The following ZFP1 variants were observed in gnomAD, a reference collection of about 807,000 sequenced individuals.
ZFP1 encodes the protein zinc finger protein 1 homolog.
In ZFP1, 32 loss-of-function variants were observed where a neutral mutation model predicts 38.5. That is an observed-to-expected ratio of 0.83 (90% CI 0.63 to 1.12). ZFP1 has a LOEUF of 1.12. ZFP1 is among the 50% of genes most tolerant of loss of function. The probability of loss-of-function intolerance (pLI) is 0.00; values close to 1 mark genes in which losing one functional copy is unlikely to be tolerated. For missense variants in ZFP1, 616 were observed against 480.8 expected, an observed-to-expected ratio of 1.28 and a Z score of -2.63; for synonymous variants, 245 against 168.8, an observed-to-expected ratio of 1.45 and a Z score of -3.50.
chr16:75,167,026 A>G, intron 3 of ZFP1, 130 bp downstream of exon 3: 1 of 1,470,320 alleles, frequency 6.8e-7, no homozygotes, highest in East Asian at 2.3e-5. Flanking sequence ...AACCTGAGAG[A>G]TCTTGCAGCC....
chr16:75,128,147 C>T, the ZFP1 span, among the ~76,000 whole-genome samples: 1 of 152,152 alleles, frequency 6.6e-6, no homozygotes. Context: ...GGCCTCATAC[C>T]TTTGTCTACA....
At chr16:75,156,379 C>T (rs1274200344) in intron 2 of ZFP1, among the ~76,000 whole-genome samples, 1 of 152,162 alleles carries the variant, frequency 6.6e-6, no homozygotes, top group South Asian at 2.1e-4. Flanking sequence ...ATCGCTTGAA[C>T]CCAGGAGGTG....
chr16:75,167,868 G>C (rs149222152), intron 3 of ZFP1, among the ~76,000 whole-genome samples: 1 of 152,106 alleles, frequency 6.6e-6, no homozygotes, highest in Non-Finnish European at 1.5e-5. Flanking sequence ...AGGCTGAGGC[G>C]GGCAGATCAC....
chr16:75,168,491 G>A (rs1241763783), intron 3 of ZFP1, among the ~76,000 whole-genome samples: 1 of 151,434 alleles, frequency 6.6e-6, no homozygotes, highest in South Asian at 2.1e-4. Context: ...AATAGGAATG[G>A]AAGAAAAGTA....
chr16:75,169,873 C>A lies in ZFP1; in HGVS notation c.763C>A (p.Leu255Ile). 6.2e-7 allele frequency: 1 copy of A among 1,614,142 alleles called. No homozygotes were observed. Residue 255 changes from leucine (L) to isoleucine (I), a missense_variant, in exon 4 of 4, where the codon CTC becomes ATC. Coordinates refer to ENST00000570010, the MANE Select transcript of ZFP1 (RefSeq NM_153688.4). ...AAAAGCTTTCACCCACCAGTCAAAC[C>A]TCATTGTACACCAGAGAGCACATAT... Reference protein sequence around the residue: ...CGKAFTHQSNLIVHQRAHMEK... With the variant: ...CGKAFTHQSNIIVHQRAHMEK...
At chr16:75,139,354 G>A in the ZFP1 span, among the ~76,000 whole-genome samples, 1 of 115,518 alleles carries the variant, frequency 8.7e-6, no homozygotes, top group East Asian at 2.7e-4. Flanking sequence ...GGGCGATAGA[G>A]CGAGACTCCA....
At chr16:75,126,930 G>T in the ZFP1 span, among the ~76,000 whole-genome samples, 18 of 152,216 alleles carry the variant, frequency 1.2e-4, no homozygotes, top group East Asian at 3.5e-3. Flanking sequence ...ATATAAAATG[G>T]TGTTTGGTTT....
chr16:75,168,529 C>A (rs2038225288), intron 3 of ZFP1, among the ~76,000 whole-genome samples: 1 of 123,254 alleles, frequency 8.1e-6, no homozygotes, highest in Non-Finnish European at 1.7e-5. Context: ...CATGTTCACT[C>A]TCCCAGCAAC....
chr16:75,149,932 C>T (rs989541946), intron 1 of ZFP1, among the ~76,000 whole-genome samples: 10 of 151,968 alleles, frequency 6.6e-5, no homozygotes, highest in Admixed American at 5.2e-4. Context: ...TTACAGGCAC[C>T]CGCCACTACA....
chr16:75,144,813 C>T (rs1201040380), upstream of ZFP1, among the ~76,000 whole-genome samples: 1 of 152,104 alleles, frequency 6.6e-6, no homozygotes, highest in East Asian at 1.9e-4. Context: ...CCTTTTGTGT[C>T]TGCCTTCTTT....
the ZFP1 span, among the ~76,000 whole-genome samples, chr16:75,137,481 G>C: frequency 3.3e-3 from 53 of 16,176 alleles, no homozygotes; most frequent in African/African-American, 0.011. Flanking sequence ...TTTTTTTTTT[G>C]AGACCAAGTC....
the ZFP1 span, among the ~76,000 whole-genome samples, chr16:75,121,271 G>A: frequency 1.2e-4 from 18 of 150,632 alleles, no homozygotes; most frequent in Admixed American, 3.3e-4. Context: ...GACTACAGGC[G>A]CCCACCACCA....
the ZFP1 span, among the ~76,000 whole-genome samples, chr16:75,124,023 A>T: frequency 6.6e-6 from 1 of 151,642 alleles, no homozygotes; most frequent in Non-Finnish European, 1.5e-5. Flanking sequence ...GAACCCAGGA[A>T]GCAGAGGTTG....
At chr16:75,129,083 C>T in the ZFP1 span, among the ~76,000 whole-genome samples, 3 of 152,338 alleles carry the variant, frequency 2.0e-5, no homozygotes, top group South Asian at 6.2e-4. Context: ...AGCCACCGCG[C>T]CGGGCCAGCC....
At chr16:75,131,790 C>A in the ZFP1 span, among the ~76,000 whole-genome samples, 2 of 151,926 alleles carry the variant, frequency 1.3e-5, no homozygotes, top group Non-Finnish European at 2.9e-5. Flanking sequence ...ATGATACAAC[C>A]CTGTCTCTAC....
chr16:75,131,445 G>A, the ZFP1 span, among the ~76,000 whole-genome samples: 2,639 of 152,190 alleles, frequency 0.017, 83 homozygotes, highest in African/African-American at 0.059. Context: ...TTCCTAGCTC[G>A]TTTTCCTCCC....
the ZFP1 span, among the ~76,000 whole-genome samples, chr16:75,136,917 T>A: frequency 2.0e-5 from 3 of 152,090 alleles, no homozygotes; most frequent in South Asian, 6.2e-4. Flanking sequence ...TGTAGATATA[T>A]GTATATGCAC....
intron 2 of ZFP1, among the ~76,000 whole-genome samples, chr16:75,154,117 G>T (rs562182087): frequency 1.3e-5 from 2 of 152,248 alleles, no homozygotes; most frequent in South Asian, 2.1e-4. Flanking sequence ...CCAGCTACTC[G>T]GGAGGCTGAG....
the ZFP1 span, among the ~76,000 whole-genome samples, chr16:75,122,620 C>T: frequency 6.6e-6 from 1 of 152,202 alleles, no homozygotes; most frequent in South Asian, 2.1e-4. Flanking sequence ...ATAAATAAGA[C>T]ATTAATATTG....
Sources: allele counts gnomAD v4.1 joint callset (sites outside exome capture counted in the v4.1 genomes callset), GRCh38; gene constraint gnomAD v4.1.1; transcripts MANE v1.5; gene names NCBI Gene and HGNC (gene_info 2026-07-23, HGNC 2026-07-21).